PIEZO2: variants seen among roughly 807,000 people sequenced by gnomAD.
The protein encoded by PIEZO2 is piezo type mechanosensitive ion channel component 2.
Under a neutral mutation model 337.3 loss-of-function variants are expected in PIEZO2, and 172 were observed. The ratio of observed to expected loss-of-function variants is 0.51; its 90% CI spans 0.45 to 0.58. PIEZO2 has a LOEUF of 0.58. Ranked by LOEUF, PIEZO2 falls within the 20% of genes least tolerant of loss-of-function variation. The pLI, the probability that PIEZO2 is intolerant of heterozygous loss-of-function variation, is 0.00. For missense variants in PIEZO2, 3,028 were observed against 3,391.3 expected, an observed-to-expected ratio of 0.89 and a Z score of 2.66; for synonymous variants, 1,251 against 1,228.5, an observed-to-expected ratio of 1.02 and a Z score of -0.38.
In PIEZO2 at chr18:10,758,054, C is replaced by T; in HGVS notation, c.3838G>A (p.Ala1280Thr). Residue 1280 changes from alanine (A) to threonine (T), a missense_variant, in exon 27 of 56, where the codon GCA becomes ACA. By Grantham distance (58) the Ala-to-Thr change is moderately conservative (BLOSUM62 0). Coordinates refer to ENST00000674853, the MANE Select transcript of PIEZO2 (RefSeq NM_001378183.1). ...DENKAAVRIM[A>T]GDNVEICMNL... ...ATGCAGATCTCGACATTGTCACCTG[C>T]CATGATTCGCACTGCAGCCTTGTTC... 2 of 1,537,428 alleles carry T rather than the reference C, an allele frequency of 1.3e-6. No individual in the cohort carries two copies. Among genetic ancestry groups the T allele is most frequent in the Non-Finnish European group, 1.7e-6 (2 of 1,146,828 alleles).
intron 2 of PIEZO2, among the ~76,000 whole-genome samples, chr18:11,024,457 A>G (rs1450095060): frequency 1.3e-5 from 2 of 149,696 alleles, no homozygotes; most frequent in African/African-American, 4.9e-5. Context: ...GAGGCAGGAG[A>G]ATGGTGTGAA....
intron 47 of PIEZO2, among the ~76,000 whole-genome samples, chr18:10,694,961 C>G (rs1246750297): frequency 2.0e-5 from 3 of 152,222 alleles, no homozygotes; most frequent in African/African-American, 7.2e-5. Flanking sequence ...AGGTATGTGG[C>G]TCCCCAGGCC....
At chr18:10,889,798 C>T in intron 4 of PIEZO2, among the ~76,000 whole-genome samples, 1 of 152,172 alleles carries the variant, frequency 6.6e-6, no homozygotes, top group South Asian at 2.1e-4. Flanking sequence ...CAGGGGACCA[C>T]AGCAGCCCCA....
chr18:11,044,709 C>T (rs756910606), intron 2 of PIEZO2, among the ~76,000 whole-genome samples: 1 of 152,140 alleles, frequency 6.6e-6, no homozygotes, highest in Non-Finnish European at 1.5e-5. Context: ...GTTGTTATGT[C>T]TATAGCATTG....
chr18:10,721,056 T>G (rs1329350742), intron 36 of PIEZO2, among the ~76,000 whole-genome samples: 2 of 152,230 alleles, frequency 1.3e-5, no homozygotes, highest in Non-Finnish European at 2.9e-5. Context: ...CTTTGCAGTT[T>G]TGATATCATT....
intron 5 of PIEZO2, 150 bp downstream of exon 5, chr18:10,871,103 G>A: frequency 1.2e-6 from 1 of 809,074 alleles, no homozygotes; most frequent in South Asian, 2.0e-5. Flanking sequence ...GCACGAGGGT[G>A]TCATGCAATT....
intron 1 of PIEZO2, among the ~76,000 whole-genome samples, chr18:11,113,519 TGCCC>T (rs2039795083): frequency 6.6e-6 from 1 of 152,202 alleles, no homozygotes; most frequent in Non-Finnish European, 1.5e-5. Flanking sequence ...CTTCCTGCTC[TGCCC>T]ACCCTCACGG....
chr18:10,934,312 G>A (rs2032255135), intron 3 of PIEZO2, among the ~76,000 whole-genome samples: 1 of 152,160 alleles, frequency 6.6e-6, no homozygotes, highest in Non-Finnish European at 1.5e-5. Context: ...CCACATCCAG[G>A]AGTGAGGTTA....
At position 10,726,724 on chromosome 18, in the gene PIEZO2, C is replaced by A; in HGVS notation, c.5029+4683G>T. On this transcript the variant is annotated intron_variant, in intron 36 of 55. Coordinates refer to ENST00000674853, the MANE Select transcript of PIEZO2 (RefSeq NM_001378183.1). The surrounding 1 kb of genome is among the most constrained non-coding windows in gnomAD (Gnocchi z 5.9). ...GTACCTGAACGGCATCCTGTGCATT[C>A]TGGGACATCGCCAGACCATCGATTT... 6.9e-7 allele frequency: 1 copy of A among 1,442,402 alleles called. No individual in the cohort carries two copies. Among genetic ancestry groups the A allele is most frequent in the Non-Finnish European group, 9.7e-7 (1 of 1,029,502 alleles). The allele number at this position is 1,442,402 out of a possible 1,614,324, so 89.4% of individuals were successfully genotyped here.
At chr18:10,999,795 C>T in intron 2 of PIEZO2, among the ~76,000 whole-genome samples, 1 of 152,072 alleles carries the variant, frequency 6.6e-6, no homozygotes, top group East Asian at 1.9e-4. Flanking sequence ...ATTTTATGCT[C>T]CAGGTGGAAC....
At chr18:11,141,953 T>C (rs1196955517) in intron 1 of PIEZO2, among the ~76,000 whole-genome samples, 1 of 152,162 alleles carries the variant, frequency 6.6e-6, no homozygotes, top group Admixed American at 6.5e-5. Flanking sequence ...ACCAAATCCA[T>C]CCCTTTTTTA....
chr18:11,127,637 T>C lies in PIEZO2; in HGVS notation c.64+20888A>G, dbSNP rs368253842. Among the ~76,000 whole-genome samples the C allele has an allele frequency of 3.3e-5, 5 of 152,014 alleles. No homozygotes were observed. The highest frequency in any genetic ancestry group is 9.7e-5 in the African/African-American group (4 of 41,376). On this transcript the variant is annotated intron_variant, in intron 1 of 55. Transcript: ENST00000674853. This position sits in a 1 kb window ranked among gnomAD's most constrained non-coding sequence, Gnocchi z 4.5. ...TGCTCCTCAGCTTGCAGAAAGCCTATTGTGGGACCTTGTGATCATGTAAGT... is the reference window on the plus strand; with the variant it reads ...TGCTCCTCAGCTTGCAGAAAGCCTACTGTGGGACCTTGTGATCATGTAAGT...
chr18:10,963,692 A>T (rs532249251), intron 3 of PIEZO2, among the ~76,000 whole-genome samples: 127 of 152,360 alleles, frequency 8.3e-4, no homozygotes, highest in Non-Finnish European at 1.5e-3. Context: ...ATACTACCGT[A>T]ACAAAAGCTA....
chr18:10,709,559 G>C (rs1316682300), intron 39 of PIEZO2: 3 of 152,284 alleles, frequency 2.0e-5, no homozygotes, highest in Non-Finnish European at 4.4e-5. Flanking sequence ...AACTCACTAG[G>C]AGAGTACTAG....
chr18:10,901,887 C>G (rs1488084051), intron 4 of PIEZO2, among the ~76,000 whole-genome samples: 2 of 151,584 alleles, frequency 1.3e-5, no homozygotes, highest in Admixed American at 1.3e-4. Context: ...CTTAATTTCT[C>G]TGTGTCTCAG....
rs866250221 is a variant in PIEZO2, at chr18:11,061,580, A to G, written c.160+4547T>C. ...AAGTCTCAGGATACAAAATCAATGT[A>G]CAAAAATCACAAGCATTCTTATACA... On this transcript the variant is annotated intron_variant, in intron 2 of 55. Transcript: ENST00000674853. Among the ~76,000 whole-genome samples, 667 of 152,170 alleles carry G rather than the reference A, an allele frequency of 4.4e-3. 3 individuals are homozygous for G. The highest frequency in any genetic ancestry group is 0.016 in the African/African-American group (644 of 41,496).
rs115570347 is a variant in PIEZO2 at position 10,940,249 on chromosome 18, C to T, written c.287-29021G>A. 0.01 allele frequency among the ~76,000 whole-genome samples: 1,558 copies of T among 152,292 alleles called. 30 individuals are homozygous for T. The highest frequency in any genetic ancestry group is 0.033 in the African/African-American group (1,387 of 41,572). ...TTCAAGATGCGTGAATTAGTGAGTA[C>T]CTCATAAAGCCCTGGCATGAATTGG... On this transcript the variant is annotated intron_variant, in intron 3 of 55. Transcript: ENST00000674853. The surrounding 1 kb of genome is among the most constrained non-coding windows in gnomAD (Gnocchi z 5.3).
At chr18:10,840,114 G>A (rs753605828) in intron 7 of PIEZO2, among the ~76,000 whole-genome samples, 2 of 152,118 alleles carry the variant, frequency 1.3e-5, no homozygotes, top group Non-Finnish European at 2.9e-5. Flanking sequence ...TCATTCTTGA[G>A]AATTAACTTT....
chr18:10,851,359 G>T (rs2041546962), intron 7 of PIEZO2, among the ~76,000 whole-genome samples: 1 of 151,964 alleles, frequency 6.6e-6, no homozygotes, highest in South Asian at 2.1e-4. Context: ...TTTACATACT[G>T]CATTGTTTAG....
Sources: allele counts gnomAD v4.1 joint callset (sites outside exome capture counted in the v4.1 genomes callset), GRCh38; gene constraint gnomAD v4.1.1; non-coding constraint Gnocchi (gnomAD v3.1); transcripts MANE v1.5; gene names NCBI Gene and HGNC (gene_info 2026-07-23, HGNC 2026-07-21).